POLH: variants seen among roughly 807,000 people sequenced by gnomAD.
POLH encodes the protein DNA polymerase eta.
Under a neutral mutation model 73.6 loss-of-function variants are expected in POLH, and 53 were observed. The ratio of observed to expected loss-of-function variants is 0.72; its 90% CI spans 0.58 to 0.91. The LOEUF (loss-of-function observed/expected upper bound fraction) is 0.91. POLH is among the 40% of genes least tolerant of loss of function. The pLI is 0.00. For synonymous variants in POLH, 292 were observed against 308.5 expected (o/e 0.95, Z 0.56); for missense variants, 768 against 865.4 (o/e 0.89, Z 1.41).
Position 43,614,744 on chromosome 6 carries a change from T to C in POLH, c.*187T>C, listed in dbSNP as rs937301184. 14 of 571,322 alleles carry C rather than the reference T, an allele frequency of 2.5e-5. No individual in the cohort carries two copies. The highest frequency in any genetic ancestry group is 3.9e-5 in the Non-Finnish European group (13 of 330,126). 35.4% of individuals were successfully genotyped at this position (571,322 alleles called of 1,614,324 possible). A position where few individuals can be genotyped will look rare whatever the true frequency, so the allele number is the denominator to read the frequency against. ...CAGGCATGGATTCTAATCCCACTGC[T>C]GACAGAGATGTAAAAATTCATCCTA... On this transcript the variant is annotated 3_prime_UTR_variant, in exon 11 of 11. Transcript: ENST00000372236.
chr6:43,606,147 AC>A (rs1372548310), intron 9 of POLH, among the ~76,000 whole-genome samples: 2 of 151,058 alleles, frequency 1.3e-5, no homozygotes, highest in African/African-American at 4.9e-5. Context: ...CATTTCACAT[AC>A]TTTTTTGTAA....
intron 1 of POLH, among the ~76,000 whole-genome samples, chr6:43,576,669 T>G (rs1763379378): frequency 6.6e-6 from 1 of 152,254 alleles, no homozygotes; most frequent in Admixed American, 6.5e-5. Flanking sequence ...CTGGATGTAT[T>G]ATTACCTGGT....
chr6:43,599,573 T>C (rs1766496485), intron 5 of POLH, among the ~76,000 whole-genome samples: 1 of 151,470 alleles, frequency 6.6e-6, no homozygotes, highest in African/African-American at 2.4e-5. Context: ...CCCTGGTTGA[T>C]ACCTTCTCCG....
Position 43,616,420 on chromosome 6 carries a change from C to A in POLH, c.*1863C>A, listed in dbSNP as rs1270728458. On this transcript the variant is annotated 3_prime_UTR_variant, in exon 11 of 11. Coordinates refer to ENST00000372236, the MANE Select transcript of POLH (RefSeq NM_006502.3). ...ACCAGCCTGGGCAAGGTGGCAAAAC[C>A]CCGTCTCTACTAAAAAAAATTAGCT... Among the ~76,000 whole-genome samples, 5 of 151,224 alleles carry A rather than the reference C, an allele frequency of 3.3e-5. No individual in the cohort carries two copies. Among genetic ancestry groups the A allele is most frequent in the Non-Finnish European group, 5.9e-5 (4 of 67,876 alleles).
intron 4 of POLH, among the ~76,000 whole-genome samples, chr6:43,589,359 C>G (rs1186518925): frequency 6.6e-6 from 1 of 152,106 alleles, no homozygotes; most frequent in Non-Finnish European, 1.5e-5. Flanking sequence ...CATAAAAGTT[C>G]CTGTTTCCCC....
At chr6:43,579,580 C>T (rs1763777129) in intron 1 of POLH, among the ~76,000 whole-genome samples, 1 of 152,170 alleles carries the variant, frequency 6.6e-6, no homozygotes, top group Non-Finnish European at 1.5e-5. Flanking sequence ...TACCTGAGTT[C>T]TGTGAGCCAC....
intron 1 of POLH, among the ~76,000 whole-genome samples, chr6:43,581,002 C>T (rs1191694041): frequency 2.7e-5 from 4 of 145,600 alleles, no homozygotes; most frequent in African/African-American, 1.0e-4. Context: ...GACCCCCCCC[C>T]ACCTCCCTCC....
At chr6:43,602,182 T>C (rs572504329) in intron 6 of POLH, among the ~76,000 whole-genome samples, 1 of 152,372 alleles carries the variant, frequency 6.6e-6, no homozygotes, top group South Asian at 2.1e-4. Flanking sequence ...TTCTTTCCTC[T>C]AATAGCATAT....
In POLH at chr6:43,603,910, G is replaced by T; in HGVS notation, c.783G>T (p.Lys261Asn). ...TTATCAGCCGTAGTCTTGGAGGAAA[G>T]CTAGGGGCCTCTGTCATTGAGATCC... ...PIRKIRSLGG[K>N]LGASVIEILG... The change falls in exon 7 of 11, where the codon AAG (lysine) becomes AAT (asparagine). Residue 261 changes from lysine to asparagine, a missense_variant. By Grantham distance (94) the Lys-to-Asn change is moderately conservative. Transcript: ENST00000372236. 1 of 1,613,628 alleles carries T rather than the reference G, an allele frequency of 6.2e-7. No homozygotes were observed. The highest frequency in any genetic ancestry group is 8.5e-7 in the Non-Finnish European group (1 of 1,179,612).
In POLH at chr6:43,619,632, A is replaced by G. The variant is rs1768583382; in HGVS notation, c.*5075A>G. On this transcript the variant is annotated 3_prime_UTR_variant, in exon 11 of 11. Transcript: ENST00000372236. ...TAAATGTTCCATTAATGTTGCAGAG[A>G]GGCTCACTAGTTCCTGGAGATGTCT... Among the ~76,000 whole-genome samples, 1 of 152,166 alleles carries G rather than the reference A, an allele frequency of 6.6e-6. No homozygotes were observed. The highest frequency in any genetic ancestry group is 2.4e-5 in the African/African-American group (1 of 41,450).
chr6:43,582,894 A>G, intron 2 of POLH, 113 bp from the exon 3 acceptor site: 1 of 875,502 alleles, frequency 1.1e-6, no homozygotes, highest in Non-Finnish European at 1.8e-6. Context: ...GAATGATGGC[A>G]TCTGTGGTCA....
Position 43,616,294 on chromosome 6 carries a change from A to AAGAAAAACT in POLH, c.*1738_*1746dup, listed in dbSNP as rs1768341532. Among the ~76,000 whole-genome samples the AAGAAAAACT allele has an allele frequency of 4.0e-5, 6 of 151,576 alleles. No homozygotes were observed. Among genetic ancestry groups the AAGAAAAACT allele is most frequent in the Admixed American group, 3.9e-4 (6 of 15,228 alleles). On this transcript the variant is annotated 3_prime_UTR_variant, in exon 11 of 11. Coordinates refer to ENST00000372236, the MANE Select transcript of POLH (RefSeq NM_006502.3). ...GACTCCGTCTCAAAAAAAAAAAAAA[A>AAGAAAAACT]AGAAAAACTTCTCTTTAGGCTGGGT...
intron 5 of POLH, 48 bp from the exon 6 acceptor site, chr6:43,600,940 T>C (rs777882970): frequency 8.5e-7 from 1 of 1,182,244 alleles, no homozygotes; most frequent in Non-Finnish European, 1.3e-6. Context: ...ATTCACCAAC[T>C]TTGATGGGTT....
intron 4 of POLH, among the ~76,000 whole-genome samples, chr6:43,596,279 C>G (rs1204905101): frequency 2.0e-5 from 3 of 152,088 alleles, no homozygotes; most frequent in Admixed American, 6.6e-5. Flanking sequence ...GTCAGGAGAT[C>G]GAGACCATTC....
rs896928211 is a variant in POLH at position 43,576,421 on chromosome 6, G to A, written c.-24G>A. The stretch of plus-strand genomic sequence containing the variant: ...TTCGGCAACCGCTGCTGGCAGTTTT[G>A]CCAGGTGTTTGTTACCTTGGTAAGA... On this transcript the variant is annotated 5_prime_UTR_variant, in exon 1 of 11. Transcript: ENST00000372236. 3 of 152,268 alleles carry A rather than the reference G, an allele frequency of 2.0e-5. No individual in the cohort carries two copies. Among genetic ancestry groups the A allele is most frequent in the African/African-American group, 7.2e-5 (3 of 41,462 alleles). The allele number at this position is 152,268 out of a possible 1,614,324, so 9.4% of individuals were successfully genotyped here. A position where few individuals can be genotyped will look rare whatever the true frequency, so the allele number is the denominator to read the frequency against.
chr6:43,620,254 G>A lies in POLH; in HGVS notation c.*5697G>A, dbSNP rs113410952. On this transcript the variant is annotated 3_prime_UTR_variant, in exon 11 of 11. Coordinates refer to ENST00000372236, the MANE Select transcript of POLH (RefSeq NM_006502.3). ...AATACAGGGTAGCTACCTATTTCACGTGAAAGGCCTCAGTATTCTGCTCAC... is the reference window on the plus strand; with the variant it reads ...AATACAGGGTAGCTACCTATTTCACATGAAAGGCCTCAGTATTCTGCTCAC... 9,062 of 516,348 alleles carry A rather than the reference G, an allele frequency of 0.018. 116 individuals carry two copies. Among genetic ancestry groups the A allele is most frequent in the Non-Finnish European group, 0.027 (6,992 of 259,356 alleles). The allele number at this position is 516,348 out of a possible 1,614,324, so 32.0% of individuals were successfully genotyped here. A position where few individuals can be genotyped will look rare whatever the true frequency, so the allele number is the denominator to read the frequency against.
chr6:43,613,436 T>C (rs976370835), intron 10 of POLH, among the ~76,000 whole-genome samples: 3 of 152,168 alleles, frequency 2.0e-5, no homozygotes, highest in African/African-American at 7.2e-5. Context: ...CCTAGGAAAT[T>C]AAATTCTCTG....
chr6:43,578,963 A>T (rs188274702), intron 1 of POLH, among the ~76,000 whole-genome samples: 1 of 152,314 alleles, frequency 6.6e-6, no homozygotes, highest in Admixed American at 6.5e-5. Flanking sequence ...TTTTAAGGAT[A>T]AGTATTTTTA....
At position 43,620,064 on chromosome 6, in the gene POLH, T is replaced by G; in HGVS notation, c.*5507T>G. 2 of 298,084 alleles carry G rather than the reference T, an allele frequency of 6.7e-6. No individual in the cohort carries two copies. Among genetic ancestry groups the G allele is most frequent in the Non-Finnish European group, 1.3e-5 (2 of 156,104 alleles). The allele number at this position is 298,084 out of a possible 1,614,324, so 18.5% of individuals were successfully genotyped here. A position where few individuals can be genotyped will look rare whatever the true frequency, so the allele number is the denominator to read the frequency against. ...CTAAGGTTTGGTCAAGTGGCCCTCA[T>G]TGTTCCAAGAGTAATTTAGGCTATG... On this transcript the variant is annotated 3_prime_UTR_variant, in exon 11 of 11. Transcript: ENST00000372236.
Sources: gnomAD v4.1 joint callset for allele counts (sites outside exome capture counted in the v4.1 genomes callset) on GRCh38, gnomAD v4.1.1 for gene constraint, MANE v1.5 for transcripts, NCBI Gene and HGNC (gene_info 2026-07-23, HGNC 2026-07-21) for gene names.